The following POLQ variants were observed in gnomAD, a reference collection of about 807,000 sequenced individuals.
POLQ encodes DNA polymerase theta, also known as epididymis secretory sperm binding protein.
In POLQ, 233 loss-of-function variants were observed where a neutral mutation model predicts 259.2. The ratio of observed to expected loss-of-function variants is 0.90; its 90% CI spans 0.81 to 1.00. The LOEUF is 1.00. Among genes scored for constraint, POLQ ranks in the 50% least tolerant of loss-of-function variants. POLQ has a pLI of 0.00. For missense variants in POLQ, 2,871 were observed against 3,051.6 expected (o/e 0.94, Z 1.39); for synonymous variants, 1,025 against 1,048.8 (o/e 0.98, Z 0.44).
chr3:121,433,458 C>CT (rs1403191448), intron 28 of POLQ, among the ~76,000 whole-genome samples: 12 of 152,180 alleles, frequency 7.9e-5, no homozygotes, highest in African/African-American at 2.9e-4. Context: ...TCCCTCATGT[C>CT]TTTTTATGGC....
At position 121,481,809 on chromosome 3, in the gene POLQ, C is replaced by T; in HGVS notation, c.5974G>A (p.Ala1992Thr). The part of the protein sequence containing the change: ...LEQSYEDPKV[A>T]CWLLDPDSQE... ...GAATCTGGATCTAGTAACCAGCATGCCACCTGAATGGGATAGCAATGAGAA... is the reference window on the plus strand; with the variant it reads ...GAATCTGGATCTAGTAACCAGCATGTCACCTGAATGGGATAGCAATGAGAA... The change falls in exon 19 of 30, where the codon GCA (alanine) becomes ACA (threonine). Residue 1992 changes from alanine to threonine, a missense_variant. Transcript: ENST00000264233. 2 of 1,608,586 alleles carry T rather than the reference C, an allele frequency of 1.2e-6. No individual in the cohort carries two copies. The highest frequency in any genetic ancestry group is 1.7e-6 in the Non-Finnish European group (2 of 1,176,328).
chr3:121,489,367 G>A lies in POLQ; in HGVS notation c.3564C>T (p.Asp1188=). 2 of 1,613,364 alleles carry A rather than the reference G, an allele frequency of 1.2e-6. No individual in the cohort carries two copies. Among genetic ancestry groups the A allele is most frequent in the African/African-American group, 1.3e-5 (1 of 75,012 alleles). Residue 1188 remains aspartate (D), a synonymous_variant, in exon 16 of 30, where the codon GAC becomes GAT. Transcript: ENST00000264233. ...KNQNVYMKHH[D]IHPINQYLRK... is the part of the protein sequence containing the mutation. Reference sequence around the variant, plus strand: ...GCAGGTACTGGTTAATTGGATGGATGTCATGGTGTTTCATATAAACATTCT... The same window carrying A: ...GCAGGTACTGGTTAATTGGATGGATATCATGGTGTTTCATATAAACATTCT...
At chr3:121,458,810 G>A (rs938430166) in intron 25 of POLQ, among the ~76,000 whole-genome samples, 9 of 152,166 alleles carry the variant, frequency 5.9e-5, no homozygotes, top group African/African-American at 2.2e-4. Context: ...CAGCACTTCG[G>A]GAGGCCAAGT....
At chr3:121,495,297 T>C (rs1018781570) in intron 14 of POLQ, among the ~76,000 whole-genome samples, 5 of 151,996 alleles carry the variant, frequency 3.3e-5, no homozygotes, top group African/African-American at 1.2e-4. Context: ...AGGGACTCTT[T>C]CCACCTAGAG....
intron 5 of POLQ, among the ~76,000 whole-genome samples, chr3:121,534,074 C>T (rs2048431779): frequency 6.6e-6 from 1 of 151,742 alleles, no homozygotes; most frequent in African/African-American, 2.4e-5. Context: ...GACGGGTTTT[C>T]ACCATGTTAG....
intron 15 of POLQ, among the ~76,000 whole-genome samples, chr3:121,490,745 C>G (rs1225777258): frequency 6.6e-6 from 1 of 152,096 alleles, no homozygotes; most frequent in African/African-American, 2.4e-5. Context: ...AAAGTGAAAG[C>G]CATAAAACTT....
chr3:121,536,522 G>T (rs1333430037), intron 5 of POLQ, among the ~76,000 whole-genome samples: 1 of 151,942 alleles, frequency 6.6e-6, no homozygotes, highest in African/African-American at 2.4e-5. Flanking sequence ...TATATATATA[G>T]ATGACAAATA....
In POLQ at chr3:121,459,388, T is replaced by TG. The variant is rs1288887333; in HGVS notation, c.7152+661_7152+662insC. Among the ~76,000 whole-genome samples the TG allele has an allele frequency of 4.1e-5, 6 of 146,588 alleles. No individual in the cohort carries two copies. In the South Asian group the frequency reaches 7.0e-4, roughly 17 times the overall value. ...AGAAAGATTTTTTTTTTTTTTTTTT[T>TG]TTTTGTTTTTCGAGATGGAGTCTTG... is the stretch of plus-strand genomic sequence containing the variant. On this transcript the variant is annotated intron_variant, in intron 25 of 29. Coordinates refer to ENST00000264233, the MANE Select transcript of POLQ (RefSeq NM_199420.4).
chr3:121,505,970 C>T (rs1476763253), intron 12 of POLQ, among the ~76,000 whole-genome samples: 1 of 147,880 alleles, frequency 6.8e-6, no homozygotes, highest in Non-Finnish European at 1.5e-5. Context: ...TGCAGTGAGC[C>T]GAGATTGCAC....
chr3:121,544,978 G>T, intron 1 of POLQ, 72 bp from the exon 2 acceptor site: 1 of 913,974 alleles, frequency 1.1e-6, no homozygotes. Context: ...GCCCTTCACC[G>T]TGTGTTGGAA....
chr3:121,446,866 G>C (rs73191792), intron 26 of POLQ, among the ~76,000 whole-genome samples: 4,274 of 152,188 alleles, frequency 0.028, 89 homozygotes, highest in Middle Eastern at 0.061. Context: ...GTAGGGAACA[G>C]ATCATTGGGT....
intron 19 of POLQ, among the ~76,000 whole-genome samples, chr3:121,477,658 T>A (rs2047938403): frequency 6.6e-6 from 1 of 152,184 alleles, no homozygotes; most frequent in Non-Finnish European, 1.5e-5. Context: ...TCTTGAAAAG[T>A]AAGCATCCAT....
intron 2 of POLQ, 125 bp from the exon 3 acceptor site, chr3:121,541,604 T>G: frequency 3.7e-4 from 253 of 687,464 alleles, no homozygotes; most frequent in Non-Finnish European, 5.0e-4. Context: ...AAGGGCCCAA[T>G]AGCACTTAAA....
chr3:121,460,388 T>C (rs1182181479), intron 24 of POLQ, among the ~76,000 whole-genome samples, 154 bp from the exon 25 acceptor site: 1 of 152,222 alleles, frequency 6.6e-6, no homozygotes, highest in Non-Finnish European at 1.5e-5. Context: ...CCTCTTAATA[T>C]GATGGAATTC....
intron 22 of POLQ, among the ~76,000 whole-genome samples, chr3:121,471,647 C>A (rs1377081218): frequency 2.0e-5 from 3 of 152,226 alleles, no homozygotes; most frequent in South Asian, 2.1e-4. Flanking sequence ...GAGGTTGAGG[C>A]AGGAGAATCA....
In POLQ at chr3:121,536,948, T is replaced by G. The variant is rs866856150; in HGVS notation, c.740+152A>C. On this transcript the variant is annotated intron_variant, in intron 5 of 29. Transcript: ENST00000264233. Reference sequence around the variant, plus strand: ...TGTCAGCCACCATGCCTGGACTGACTTCTGGAACAAAAACAAACTACTATA... The same window carrying G: ...TGTCAGCCACCATGCCTGGACTGACGTCTGGAACAAAAACAAACTACTATA... 1.0e-5 allele frequency: 6 copies of G among 588,434 alleles called. 1 individual carries two copies. The highest frequency in any genetic ancestry group is 9.1e-5 in the South Asian group (4 of 43,904). 36.5% of individuals were successfully genotyped at this position (588,434 alleles called of 1,614,324 possible). A position where few individuals can be genotyped will look rare whatever the true frequency, so the allele number is the denominator to read the frequency against.
intron 5 of POLQ, among the ~76,000 whole-genome samples, chr3:121,536,432 A>G (rs1380940404): frequency 6.6e-6 from 1 of 152,204 alleles, no homozygotes; most frequent in Non-Finnish European, 1.5e-5. Flanking sequence ...TTAAAAAGCT[A>G]GAAGAGTTGA....
Position 121,440,063 on chromosome 3 carries a change from C to T in POLQ, c.7318G>A (p.Val2440Ile), listed in dbSNP as rs138273543. 91 of 1,610,502 alleles carry T rather than the reference C, an allele frequency of 5.7e-5. No individual in the cohort carries two copies. In the East Asian group the frequency reaches 1.9e-3, roughly 33 times the overall value. The change falls in exon 27 of 30, where the codon GTT becomes ATT. Residue 2440 changes from valine (V) to isoleucine (I), a missense_variant. Val to Ile is a conservative substitution (Grantham distance 29). Transcript: ENST00000264233. The stretch of plus-strand genomic sequence containing the variant: ...CTACGCCTTCCCAAAATGGTCTGAA[C>T]AAATCCGTCTCTTTTACAATTCTTC... ...TVKNCKRDGF[V>I]QTILGRRRYL... is the part of the protein sequence containing the mutation.
In POLQ at chr3:121,488,419, T is replaced by C; in HGVS notation, c.4512A>G (p.Leu1504=). 3 of 1,612,866 alleles carry C rather than the reference T, an allele frequency of 1.9e-6. No individual in the cohort carries two copies. Among genetic ancestry groups the C allele is most frequent in the Non-Finnish European group, 2.5e-6 (3 of 1,179,168 alleles). ...FSDDYLVKEQ[L]PDMQMKEPLP... Reference sequence around the variant, plus strand: ...GGGGTTCTTTCATTTGCATATCAGGTAATTGTTCTTTTACTAGATAGTCAT... The same window carrying C: ...GGGGTTCTTTCATTTGCATATCAGGCAATTGTTCTTTTACTAGATAGTCAT... Residue 1504 remains leucine, a synonymous_variant, in exon 16 of 30, where the codon TTA becomes TTG. Transcript: ENST00000264233.
Sources: gnomAD v4.1 joint callset for allele counts (sites outside exome capture counted in the v4.1 genomes callset) on GRCh38, gnomAD v4.1.1 for gene constraint, MANE v1.5 for transcripts, NCBI Gene and HGNC (gene_info 2026-07-23, HGNC 2026-07-21) for gene names.